GRIN2A: variants seen among roughly 807,000 people sequenced by gnomAD.
The protein encoded by GRIN2A is glutamate receptor ionotropic, NMDA 2A.
Under a neutral mutation model 113.4 loss-of-function variants are expected in GRIN2A, and 22 were observed. The observed-to-expected ratio is 0.19, with a 90% CI of 0.14 to 0.28. The LOEUF is 0.28. Among genes scored for constraint, GRIN2A ranks in the 10% least tolerant of loss-of-function variants. The pLI, the probability that GRIN2A is intolerant of heterozygous loss-of-function variation, is 1.00. For synonymous variants in GRIN2A, 827 were observed against 738.4 expected (o/e 1.12, Z -1.94); for missense variants, 1,502 against 1,887.0 (o/e 0.80, Z 3.78).
intron 2 of GRIN2A, among the ~76,000 whole-genome samples, chr16:10,142,721 C>G (rs1481041859): frequency 6.6e-6 from 1 of 152,082 alleles, no homozygotes; most frequent in East Asian, 1.9e-4. Flanking sequence ...CAAATTTAAA[C>G]CAACCAAAGA....
At chr16:10,147,656 GA>G (rs965689589) in intron 2 of GRIN2A, among the ~76,000 whole-genome samples, 14 of 144,590 alleles carry the variant, frequency 9.7e-5, no homozygotes, top group Non-Finnish European at 3.0e-5. Context: ...AAAAAAAGAA[GA>G]AGAAGAAGAA....
intron 10 of GRIN2A, among the ~76,000 whole-genome samples, chr16:9,819,340 G>A (rs1360935689): frequency 6.6e-6 from 1 of 151,650 alleles, no homozygotes; most frequent in East Asian, 2.0e-4. Flanking sequence ...GGGTAACACG[G>A]CAAAACCTCA....
intron 2 of GRIN2A, among the ~76,000 whole-genome samples, chr16:10,156,463 G>C (rs772911850): frequency 6.6e-6 from 1 of 152,202 alleles, no homozygotes; most frequent in African/African-American, 2.4e-5. Context: ...TCTGATTGAC[G>C]ACAAGATGGT....
chr16:9,851,611 T>C (rs1267268308), intron 4 of GRIN2A, among the ~76,000 whole-genome samples: 1 of 152,216 alleles, frequency 6.6e-6, no homozygotes, highest in Non-Finnish European at 1.5e-5. Flanking sequence ...CCCTTTTCTT[T>C]CCATTTGCCT....
At chr16:10,179,893 C>CCAAAAAAAAAAAAAAA in intron 2 of GRIN2A, 105 bp downstream of exon 2, 1 of 719,818 alleles carries the variant, frequency 1.4e-6, no homozygotes, top group Admixed American at 2.2e-5. Context: ...CCCCCACCCC[C>CCAAAAAAAAAAAAAAA]ACTTCACATC....
intron 4 of GRIN2A, among the ~76,000 whole-genome samples, chr16:9,856,861 A>T (rs190607766): frequency 2.9e-4 from 44 of 152,270 alleles, no homozygotes; most frequent in Middle Eastern, 3.4e-3. Context: ...TCTGTGAAAA[A>T]ATGCAACTAG....
rs569342611 is a variant in GRIN2A at position 9,764,453 on chromosome 16, C to G, written c.3091G>C (p.Val1031Leu). Residue 1031 changes from valine (V) to leucine (L), a missense_variant, in exon 13 of 13, where the codon GTC becomes CTC. By Grantham distance (32) the Val-to-Leu change is conservative. Transcript: ENST00000330684. Reference protein sequence around the residue: ...IRQDSLSQNPVSQRDEATAEN... With the variant: ...IRQDSLSQNPLSQRDEATAEN... ...GCTGTTGCCTCATCCCTCTGGGAGA[C>G]TGGATTCTGGGATAGTGAATCCTGG... 1.2e-6 allele frequency: 2 copies of G among 1,614,132 alleles called. No individual in the cohort carries two copies. The highest frequency in any genetic ancestry group is 1.7e-6 in the Non-Finnish European group (2 of 1,180,012).
intron 4 of GRIN2A, among the ~76,000 whole-genome samples, chr16:9,857,022 T>TG (rs2042980615): frequency 6.6e-6 from 1 of 152,224 alleles, no homozygotes; most frequent in African/African-American, 2.4e-5. Flanking sequence ...AATGGCGTGG[T>TG]GTTCTACCTG....
Position 9,849,205 on chromosome 16 carries a change from A to G in GRIN2A, c.1328+551T>C, listed in dbSNP as rs1381850571. On this transcript the variant is annotated intron_variant, in intron 5 of 12. Coordinates refer to ENST00000330684, the MANE Select transcript of GRIN2A (RefSeq NM_001134407.3). ...TATATTTAAATATATAAAATATATA[A>G]TTTCTATATATTTATATATAATGTT... 3.5e-5 allele frequency among the ~76,000 whole-genome samples: 5 copies of G among 143,120 alleles called. No individual in the cohort carries two copies. The East Asian group carries it at 7.9e-4, about 23-fold the overall frequency. 93.9% of individuals were successfully genotyped at this position (143,120 alleles called of 152,430 possible). A position where few individuals can be genotyped will look rare whatever the true frequency, so the allele number is the denominator to read the frequency against.
chr16:10,169,002 T>C (rs2049983862), intron 2 of GRIN2A, among the ~76,000 whole-genome samples: 1 of 148,214 alleles, frequency 6.7e-6, no homozygotes, highest in South Asian at 2.1e-4. Context: ...ATAATAATAA[T>C]AATAATAATA....
intron 2 of GRIN2A, among the ~76,000 whole-genome samples, chr16:10,128,226 G>C (rs1323830253): frequency 6.6e-6 from 1 of 152,156 alleles, no homozygotes; most frequent in Non-Finnish European, 1.5e-5. Flanking sequence ...GCTGATTTTA[G>C]TCTGTATCCT....
chr16:9,982,002 G>A (rs1204247157), intron 2 of GRIN2A, among the ~76,000 whole-genome samples: 1 of 152,116 alleles, frequency 6.6e-6, no homozygotes, highest in East Asian at 1.9e-4. Flanking sequence ...TGTCCAGGCA[G>A]GTCTGGAACT....
chr16:10,119,002 G>A (rs1300899556), intron 2 of GRIN2A, among the ~76,000 whole-genome samples: 1 of 152,188 alleles, frequency 6.6e-6, no homozygotes, highest in African/African-American at 2.4e-5. Context: ...GACTGGAAGA[G>A]CCACAATATG....
chr16:9,961,056 C>G (rs1048912782), intron 2 of GRIN2A, among the ~76,000 whole-genome samples: 1 of 152,188 alleles, frequency 6.6e-6, no homozygotes, highest in Non-Finnish European at 1.5e-5. Flanking sequence ...CACTATAGTA[C>G]TTGGTATATA....
At chr16:10,080,240 T>C (rs145554348) in intron 2 of GRIN2A, among the ~76,000 whole-genome samples, 8 of 152,314 alleles carry the variant, frequency 5.3e-5, no homozygotes, top group Non-Finnish European at 1.2e-4. Flanking sequence ...CCCAAGGCAG[T>C]CATCAAATAT....
intron 2 of GRIN2A, among the ~76,000 whole-genome samples, chr16:10,012,016 A>C (rs542653972): frequency 2.5e-4 from 38 of 152,314 alleles, no homozygotes; most frequent in Admixed American, 8.5e-4. Flanking sequence ...GGTGTGATGC[A>C]CTAATTAGTT....
chr16:9,910,498 T>G (rs1232031187), intron 3 of GRIN2A, among the ~76,000 whole-genome samples: 1 of 151,708 alleles, frequency 6.6e-6, no homozygotes, highest in African/African-American at 2.4e-5. Context: ...GATATGAGAT[T>G]TAAACTCATA....
intron 2 of GRIN2A, among the ~76,000 whole-genome samples, chr16:10,150,294 T>C (rs775094723): frequency 5.9e-5 from 9 of 152,198 alleles, no homozygotes; most frequent in Non-Finnish European, 8.8e-5. Context: ...CTTTAGGCAC[T>C]GGCATCACTC....
chr16:9,959,576 C>T (rs191474928), intron 2 of GRIN2A, among the ~76,000 whole-genome samples: 109 of 152,288 alleles, frequency 7.2e-4, no homozygotes, highest in African/African-American at 2.5e-3. Context: ...TTCCAGGAGT[C>T]GCCGTTCTGA....
Sources: allele counts gnomAD v4.1 joint callset (sites outside exome capture counted in the v4.1 genomes callset), GRCh38; gene constraint gnomAD v4.1.1; transcripts MANE v1.5; gene names NCBI Gene and HGNC (gene_info 2026-07-23, HGNC 2026-07-21).